The following PKNOX2 variants were observed in gnomAD, a reference collection of about 807,000 sequenced individuals.
The protein encoded by PKNOX2 is PBX/knotted 1 homeobox 2.
In PKNOX2, 14 loss-of-function variants were observed where a neutral mutation model predicts 53.1. The observed-to-expected ratio is 0.26, with a 90% CI of 0.17 to 0.41. PKNOX2 has a LOEUF of 0.41. Ranked by LOEUF, PKNOX2 falls within the 10% of genes least tolerant of loss-of-function variation. The pLI, the probability that PKNOX2 is intolerant of heterozygous loss-of-function variation, is 1.00. For synonymous variants in PKNOX2, 257 were observed against 242.8 expected (o/e 1.06, Z -0.54); for missense variants, 496 against 602.8 (o/e 0.82, Z 1.85).
At chr11:125,330,510 A>G (rs1591530554) in intron 2 of PKNOX2, 1 of 152,060 alleles carries the variant, frequency 6.6e-6, no homozygotes, top group African/African-American at 2.4e-5. Context: ...TTTTTGTTTT[A>G]ATCCAGAGAG....
At chr11:125,291,170 G>A (rs1178492228) in intron 2 of PKNOX2, among the ~76,000 whole-genome samples, 3 of 152,104 alleles carry the variant, frequency 2.0e-5, no homozygotes, top group East Asian at 1.9e-4. Flanking sequence ...AATTGTCATC[G>A]CTCTCTGGGC....
chr11:125,232,466 T>A (rs1346553217), intron 1 of PKNOX2, among the ~76,000 whole-genome samples: 2 of 152,178 alleles, frequency 1.3e-5, no homozygotes, highest in Non-Finnish European at 2.9e-5. Flanking sequence ...ATTTTATACA[T>A]GAAAAACAGG....
chr11:125,359,804 G>A (rs1450139944), intron 4 of PKNOX2, among the ~76,000 whole-genome samples: 1 of 152,332 alleles, frequency 6.6e-6, no homozygotes, highest in Non-Finnish European at 1.5e-5. Flanking sequence ...GCCTAAGGGG[G>A]CCCTCCTGGG....
chr11:125,282,993 A>T (rs1946665312), intron 2 of PKNOX2, among the ~76,000 whole-genome samples: 1 of 152,070 alleles, frequency 6.6e-6, no homozygotes, highest in South Asian at 2.1e-4. Flanking sequence ...CTCTACTAAA[A>T]ATACAAAAAT....
intron 4 of PKNOX2, among the ~76,000 whole-genome samples, chr11:125,366,994 G>A (rs951636453): frequency 3.3e-5 from 5 of 152,296 alleles, no homozygotes; most frequent in South Asian, 4.1e-4. Flanking sequence ...AGCTACCATC[G>A]TGCTATGGAC....
chr11:125,189,136 G>A (rs1469694995), intron 1 of PKNOX2, among the ~76,000 whole-genome samples: 1 of 151,562 alleles, frequency 6.6e-6, no homozygotes, highest in African/African-American at 2.4e-5. Context: ...GCTGCGCCAT[G>A]GTCAGGAAGA....
At chr11:125,404,241 C>CCT (rs1954931270) in intron 7 of PKNOX2, among the ~76,000 whole-genome samples, 2 of 152,250 alleles carry the variant, frequency 1.3e-5, no homozygotes, top group African/African-American at 4.8e-5. Flanking sequence ...TCTGCCGGTT[C>CCT]CTCACCCCCA....
rs541530943 is a variant in PKNOX2 at position 125,165,392 on chromosome 11, C to T, written c.-201+616C>T. On this transcript the variant is annotated intron_variant, in intron 1 of 12. Transcript: ENST00000298282. This position sits in a 1 kb window ranked among gnomAD's most constrained non-coding sequence, Gnocchi z 4.5. ...GCGGGGAGAGGCTGGGAACCGCGGG[C>T]AGGCTCCAGGTTCTCTTTCTCCCGG... 1.2e-4 allele frequency among the ~76,000 whole-genome samples: 19 copies of T among 152,254 alleles called. 1 individual carries two copies. The East Asian group carries it at 3.7e-3, about 30-fold the overall frequency.
chr11:125,396,507 T>C (rs1327365423), intron 6 of PKNOX2, among the ~76,000 whole-genome samples: 2 of 150,796 alleles, frequency 1.3e-5, no homozygotes, highest in African/African-American at 4.9e-5. Context: ...TTTATCATAA[T>C]CCACAAGAAC....
chr11:125,420,483 G>A (rs1002434647), intron 10 of PKNOX2, among the ~76,000 whole-genome samples: 13 of 151,694 alleles, frequency 8.6e-5, no homozygotes, highest in East Asian at 1.9e-4. Context: ...CTGAGATTGC[G>A]CCACTGCACT....
At chr11:125,262,521 AG>A (rs1944940497) in intron 2 of PKNOX2, among the ~76,000 whole-genome samples, 1 of 151,894 alleles carries the variant, frequency 6.6e-6, no homozygotes, top group Admixed American at 6.5e-5. Context: ...AGGGAGCTTG[AG>A]GCATTGTGGG....
At position 125,410,248 on chromosome 11, in the gene PKNOX2, A is replaced by T. The variant is rs767713518; in HGVS notation, c.641A>T (p.Gln214Leu). 1 of 1,614,048 alleles carries T rather than the reference A, an allele frequency of 6.2e-7. No individual in the cohort carries two copies. Among genetic ancestry groups the T allele is most frequent in the African/African-American group, 1.3e-5 (1 of 75,026 alleles). ...ATGTCCGGAGTCTCCAATAACCCCC[A>T]GGGGATTGTGGTCCCAGCCTCAGCG... ...NSMSGVSNNP[Q>L]GIVVPASALQ... The change falls in exon 8 of 13, where the codon CAG becomes CTG. Residue 214 changes from glutamine (Q) to leucine (L), a missense_variant. By Grantham distance (113) the Gln-to-Leu change is moderately radical. Around this residue, in one of 5 missense-constraint regions of PKNOX2, gnomAD observed 141 missense variants for 143.9 expected, o/e 0.98. Coordinates refer to ENST00000298282, the MANE Select transcript of PKNOX2 (RefSeq NM_001382323.2).
intron 1 of PKNOX2, among the ~76,000 whole-genome samples, chr11:125,171,480 T>C (rs1955317665): frequency 6.6e-6 from 1 of 152,224 alleles, no homozygotes; most frequent in Admixed American, 6.5e-5. Context: ...TCTAGACAAG[T>C]TGCTTAACAT....
intron 1 of PKNOX2, among the ~76,000 whole-genome samples, chr11:125,197,017 G>T (rs1488202830): frequency 6.6e-6 from 1 of 152,210 alleles, no homozygotes; most frequent in Non-Finnish European, 1.5e-5. Flanking sequence ...TGCATTAAAT[G>T]AACTCACATC....
intron 2 of PKNOX2, among the ~76,000 whole-genome samples, chr11:125,245,911 G>A (rs1313255425): frequency 2.0e-5 from 3 of 152,092 alleles, no homozygotes; most frequent in Non-Finnish European, 4.4e-5. Flanking sequence ...GTTTTGTTTT[G>A]TTTTGTTTTT....
intron 6 of PKNOX2, among the ~76,000 whole-genome samples, chr11:125,390,014 G>A (rs1953939472): frequency 6.6e-6 from 1 of 152,244 alleles, no homozygotes; most frequent in Non-Finnish European, 1.5e-5. Flanking sequence ...AGAGGCCTCA[G>A]GCCAGCGGCA....
chr11:125,290,023 C>T (rs1033906056), intron 2 of PKNOX2, among the ~76,000 whole-genome samples: 5 of 152,208 alleles, frequency 3.3e-5, no homozygotes, highest in Non-Finnish European at 7.3e-5. Context: ...CCACCCCCAG[C>T]ATGAAAGAGT....
rs1290520207 is a variant in PKNOX2 at position 125,323,562 on chromosome 11, G to A, written c.-129-8257G>A. Among the ~76,000 whole-genome samples, 4 of 152,182 alleles carry A rather than the reference G, an allele frequency of 2.6e-5. No homozygotes were observed. In the East Asian group the frequency reaches 5.8e-4, roughly 22 times the overall value. The stretch of plus-strand genomic sequence containing the variant: ...TCCATAAGCGGTGTGGTCATCACAG[G>A]AGGAAATAGAGCCCTGAGAAGGGCA... On this transcript the variant is annotated intron_variant, in intron 2 of 12. Transcript: ENST00000298282.
At chr11:125,412,527 G>A (rs1442765580) in intron 10 of PKNOX2, among the ~76,000 whole-genome samples, 2 of 152,232 alleles carry the variant, frequency 1.3e-5, no homozygotes, top group African/African-American at 2.4e-5. Flanking sequence ...TGCAAAAGAC[G>A]AGCCTTTGGT....
Sources: gnomAD v4.1 joint callset for allele counts (sites outside exome capture counted in the v4.1 genomes callset) on GRCh38, gnomAD v4.1.1 for gene constraint, gnomAD v4.1.1 regional missense constraint, Gnocchi (gnomAD v3.1) non-coding constraint, MANE v1.5 for transcripts, NCBI Gene and HGNC (gene_info 2026-07-23, HGNC 2026-07-21) for gene names.